Variants in ROR1 observed in about 807,000 individuals in gnomAD.
ROR1 encodes the protein ROR family WNT receptor 1.
Under a neutral mutation model 78.8 loss-of-function variants are expected in ROR1, and 19 were observed. That is an observed-to-expected ratio of 0.24 (90% confidence interval 0.17 to 0.35). The LOEUF is 0.35. Among genes scored for constraint, ROR1 ranks in the 10% least tolerant of loss-of-function variants. The pLI, the probability that ROR1 is intolerant of heterozygous loss-of-function variation, is 1.00. For missense variants in ROR1, 917 were observed against 1,177.8 expected, an observed-to-expected ratio of 0.78 and a Z score of 3.24; for synonymous variants, 386 against 433.6, an observed-to-expected ratio of 0.89 and a Z score of 1.36.
At chr1:63,800,290 A>G (rs1185038263) in intron 1 of ROR1, among the ~76,000 whole-genome samples, 1 of 152,218 alleles carries the variant, frequency 6.6e-6, no homozygotes, top group Non-Finnish European at 1.5e-5. Flanking sequence ...CTATAAAATT[A>G]TCACTTGTTT....
chr1:63,855,943 T>A (rs1399070982), intron 1 of ROR1, among the ~76,000 whole-genome samples: 18 of 151,998 alleles, frequency 1.2e-4, no homozygotes, highest in Admixed American at 1.2e-3. Context: ...AGGTGTGAGC[T>A]ACCACGCCCT....
chr1:63,856,575 G>A (rs1351684118), intron 1 of ROR1, among the ~76,000 whole-genome samples: 1 of 152,122 alleles, frequency 6.6e-6, no homozygotes, highest in Non-Finnish European at 1.5e-5. Context: ...TCCCTGGACT[G>A]TTAGCTCAAT....
chr1:63,969,574 C>A (rs1646102309), intron 1 of ROR1, among the ~76,000 whole-genome samples: 2 of 152,280 alleles, frequency 1.3e-5, no homozygotes, highest in South Asian at 4.1e-4. Flanking sequence ...CTCTTCCCTG[C>A]AAACTGGCTT....
chr1:64,071,604 C>T (rs1212505061), intron 4 of ROR1, among the ~76,000 whole-genome samples: 7 of 134,644 alleles, frequency 5.2e-5, no homozygotes, highest in Admixed American at 3.0e-4. Context: ...CACACAGACA[C>T]ACACACACAC....
At chr1:64,034,792 A>C (rs1646688587) in intron 2 of ROR1, among the ~76,000 whole-genome samples, 2 of 152,210 alleles carry the variant, frequency 1.3e-5, no homozygotes, top group Non-Finnish European at 2.9e-5. Flanking sequence ...TTCCATTAAA[A>C]TATATAAATA....
intron 1 of ROR1, among the ~76,000 whole-genome samples, chr1:63,830,342 G>A (rs1644980063): frequency 6.6e-6 from 1 of 152,160 alleles, no homozygotes; most frequent in Non-Finnish European, 1.5e-5. Flanking sequence ...AGAACTACCC[G>A]AGACTGGGTA....
intron 1 of ROR1, among the ~76,000 whole-genome samples, chr1:63,785,492 A>G (rs1269222011): frequency 1.4e-5 from 2 of 143,726 alleles, no homozygotes; most frequent in Non-Finnish European, 1.5e-5. Context: ...CTATATATAT[A>G]TATATTTTAT....
At chr1:63,962,867 G>T (rs1569982098) in intron 1 of ROR1, among the ~76,000 whole-genome samples, 1 of 152,254 alleles carries the variant, frequency 6.6e-6, no homozygotes, top group East Asian at 1.9e-4. Context: ...CTGCGTGAAG[G>T]GCACCTCTGA....
chr1:63,872,101 A>G (rs1041874249), intron 1 of ROR1, among the ~76,000 whole-genome samples: 8 of 152,208 alleles, frequency 5.3e-5, no homozygotes, highest in Non-Finnish European at 2.9e-5. Context: ...AACAAACTGC[A>G]TGCTTTCAGC....
At chr1:64,011,846 A>G (rs1359838411) in intron 2 of ROR1, among the ~76,000 whole-genome samples, 1 of 152,222 alleles carries the variant, frequency 6.6e-6, no homozygotes, top group Non-Finnish European at 1.5e-5. Context: ...TAGGAACTCT[A>G]TGAAAATTAG....
chr1:63,793,079 G>A (rs1479095133), intron 1 of ROR1, among the ~76,000 whole-genome samples: 1 of 152,188 alleles, frequency 6.6e-6, no homozygotes, highest in Non-Finnish European at 1.5e-5. Flanking sequence ...GCCTCAAATA[G>A]TGCTGCCCTT....
In ROR1 at chr1:64,137,484, A is replaced by G; in HGVS notation, c.598A>G (p.Asn200Asp). ...TTTGCACATGCAAGGGGAAATAGAA[A>G]ATCAGATCACAGGTAGGTAGCACCA... ...ESLHMQGEIE[N>D]QITAAFTMIG... The change falls in exon 5 of 9, where the codon AAT becomes GAT. Residue 200 changes from asparagine (N) to aspartate (D), a missense_variant. Around this residue, in one of 3 missense-constraint regions of ROR1, gnomAD observed 835 missense variants for 1,069.8 expected, o/e 0.78. Coordinates refer to ENST00000371079, the MANE Select transcript of ROR1 (RefSeq NM_005012.4). The G allele has an allele frequency of 1.2e-6, 2 of 1,613,150 alleles. No homozygotes were observed. Among genetic ancestry groups the G allele is most frequent in the Non-Finnish European group, 1.7e-6 (2 of 1,179,518 alleles).
At chr1:64,084,776 T>G (rs191195118) in intron 4 of ROR1, among the ~76,000 whole-genome samples, 113 of 152,336 alleles carry the variant, frequency 7.4e-4, no homozygotes, top group Non-Finnish European at 1.4e-3. Context: ...CTCTTTATTC[T>G]GCTGACTTTG....
chr1:63,777,683 C>T (rs1415757662), intron 1 of ROR1, among the ~76,000 whole-genome samples: 2 of 152,162 alleles, frequency 1.3e-5, no homozygotes, highest in Non-Finnish European at 2.9e-5. Context: ...CTGAAAGTGT[C>T]ACTTGCTCTG....
chr1:63,920,163 A>G (rs1645643163), intron 1 of ROR1, among the ~76,000 whole-genome samples: 1 of 152,234 alleles, frequency 6.6e-6, no homozygotes. Flanking sequence ...GGAAAGTTCA[A>G]AGAAATATCA....
At chr1:63,967,972 C>T (rs1034860271) in intron 1 of ROR1, among the ~76,000 whole-genome samples, 1 of 152,142 alleles carries the variant, frequency 6.6e-6, no homozygotes, top group Non-Finnish European at 1.5e-5. Flanking sequence ...GTTCTTCTTA[C>T]AATAGATACA....
intron 8 of ROR1, among the ~76,000 whole-genome samples, chr1:64,175,632 T>C (rs1650359861): frequency 6.6e-6 from 1 of 152,242 alleles, no homozygotes; most frequent in Non-Finnish European, 1.5e-5. Flanking sequence ...ATAAGACCAA[T>C]TTATAATGAG....
intron 4 of ROR1, among the ~76,000 whole-genome samples, chr1:64,065,581 G>A (rs893432117): frequency 2.6e-5 from 4 of 152,148 alleles, no homozygotes; most frequent in Non-Finnish European, 5.9e-5. Flanking sequence ...TCCAGGTCTT[G>A]AAGGTTTACT....
intron 1 of ROR1, among the ~76,000 whole-genome samples, chr1:63,804,570 G>A (rs557704682): frequency 6.6e-6 from 1 of 152,350 alleles, no homozygotes; most frequent in Non-Finnish European, 1.5e-5. Flanking sequence ...GAATGAGGAT[G>A]AGCGTGGACA....
Sources: allele counts gnomAD v4.1 joint callset (sites outside exome capture counted in the v4.1 genomes callset), GRCh38; gene constraint gnomAD v4.1.1; regional missense constraint gnomAD v4.1.1; transcripts MANE v1.5; gene names NCBI Gene and HGNC (gene_info 2026-07-23, HGNC 2026-07-21).